ISLR2: variants seen among roughly 807,000 people sequenced by gnomAD.
The protein encoded by ISLR2 is immunoglobulin superfamily containing leucine-rich repeat protein 2.
Under a neutral mutation model 25.5 loss-of-function variants are expected in ISLR2, and 16 were observed. The observed-to-expected ratio is 0.63, with a 90% CI of 0.43 to 0.95. ISLR2 has a LOEUF of 0.95. ISLR2 is among the 40% of genes least tolerant of loss of function. The pLI is 0.00. For missense variants in ISLR2, 883 were observed against 1,030.7 expected (o/e 0.86, Z 1.96); for synonymous variants, 508 against 486.6 (o/e 1.04, Z -0.58).
intron 2 of ISLR2, among the ~76,000 whole-genome samples, chr15:74,112,653 G>T (rs968533739): frequency 6.7e-6 from 1 of 150,106 alleles, no homozygotes; most frequent in South Asian, 2.1e-4. Flanking sequence ...TCAGCCTCCC[G>T]AGCAGATGGA....
Position 74,134,368 on chromosome 15 carries a change from C to A in ISLR2, c.1614C>A (p.Gly538=). ...TCTATCTGTGTCCAGCGGGGGGCGG[C>A]GCGGCAGTGCAGTGGTCCCGCGTAG... ...RLLYLCPAGG[G]AAVQWSRVEE... The change falls in exon 3 of 3, where the codon GGC becomes GGA. Residue 538 remains glycine (G), a synonymous_variant. Coordinates refer to ENST00000453268, the MANE Select transcript of ISLR2 (RefSeq NM_020851.3). 1 of 1,602,260 alleles carries A rather than the reference C, an allele frequency of 6.2e-7. No homozygotes were observed. The highest frequency in any genetic ancestry group is 2.2e-5 in the East Asian group (1 of 44,494).
At chr15:74,120,759 A>G (rs1192964931) in intron 2 of ISLR2, among the ~76,000 whole-genome samples, 1 of 152,106 alleles carries the variant, frequency 6.6e-6, no homozygotes, top group Non-Finnish European at 1.5e-5. Flanking sequence ...GGGGGTGATA[A>G]TGCATACTTC....
chr15:74,112,829 T>C (rs1595937599), intron 2 of ISLR2, among the ~76,000 whole-genome samples: 2 of 28,792 alleles, frequency 6.9e-5, no homozygotes, highest in South Asian at 1.4e-3. Flanking sequence ...TGCCCGGCCC[T>C]TTTTTTTTTT....
chr15:74,134,606 G>C lies in ISLR2; in HGVS notation c.1852G>C (p.Ala618Pro). 1 of 1,614,112 alleles carries C rather than the reference G, an allele frequency of 6.2e-7. No individual in the cohort carries two copies. The highest frequency in any genetic ancestry group is 8.5e-7 in the Non-Finnish European group (1 of 1,180,026). ...GGGCGCCGCCTGCTGCCATCTGCTG[G>C]CTAAACACCCGGGCAAGCCCTACCG... Reference protein sequence around the residue: ...LLGAACCHLLAKHPGKPYRLI... With the variant: ...LLGAACCHLLPKHPGKPYRLI... Residue 618 changes from alanine to proline, a missense_variant, in exon 3 of 3, where the codon GCT becomes CCT. Ala to Pro is a conservative substitution (Grantham distance 27). This residue lies in a region of ISLR2 where 612 missense variants were observed against 642.8 expected (regional missense o/e 0.95). Transcript: ENST00000453268.
upstream of ISLR2, chr15:74,130,186 T>C (rs1320461130): frequency 1.3e-5 from 1 of 79,170 alleles, no homozygotes; most frequent in Non-Finnish European, 2.3e-5. Context: ...CGTTCTGGTG[T>C]CGGGTTAGAC....
chr15:74,105,423 G>A (rs1302001361), intron 2 of ISLR2, among the ~76,000 whole-genome samples: 2 of 34,058 alleles, frequency 5.9e-5, no homozygotes, highest in Admixed American at 3.3e-4. Context: ...GGGAGGTGAG[G>A]GGCATCTCTC....
At chr15:74,111,201 C>T (rs1260701836) in intron 2 of ISLR2, among the ~76,000 whole-genome samples, 1 of 149,696 alleles carries the variant, frequency 6.7e-6, no homozygotes, top group Non-Finnish European at 1.5e-5. Context: ...TTGGATGTAT[C>T]TCAAAGGGCA....
At chr15:74,116,623 G>T (rs1277596876) in intron 2 of ISLR2, among the ~76,000 whole-genome samples, 4 of 152,094 alleles carry the variant, frequency 2.6e-5, no homozygotes, top group Non-Finnish European at 4.4e-5. Flanking sequence ...AAATAGAAAA[G>T]ATCCTATTTT....
intron 2 of ISLR2, among the ~76,000 whole-genome samples, chr15:74,106,887 G>A (rs1376263649): frequency 1.3e-5 from 2 of 152,136 alleles, no homozygotes; most frequent in South Asian, 4.1e-4. Context: ...GCAGAGAGCC[G>A]AGAATTCTTA....
intron 2 of ISLR2, among the ~76,000 whole-genome samples, chr15:74,115,714 CAG>C (rs1171147441): frequency 6.6e-6 from 1 of 151,434 alleles, no homozygotes; most frequent in Non-Finnish European, 1.5e-5. Context: ...AATAAAATAA[CAG>C]GCAAAATAGG....
rs1463858251 is a variant in ISLR2 at position 74,135,012 on chromosome 15, G to T, written c.*20G>T. 6.2e-7 allele frequency: 1 copy of T among 1,602,768 alleles called. No homozygotes were observed. ...GGCTGAACCTCCGCCCGTCCGGCCC[G>T]CCCATTCCCGACCTCCACCTAGGGT... On this transcript the variant is annotated 3_prime_UTR_variant, in exon 3 of 3. Transcript: ENST00000453268.
upstream of ISLR2, chr15:74,128,933 C>A (rs779923178): frequency 1.8e-5 from 8 of 439,230 alleles, no homozygotes; most frequent in South Asian, 1.3e-4. Flanking sequence ...CTTCTCCCGA[C>A]CCCACAAGGC....
intron 2 of ISLR2, among the ~76,000 whole-genome samples, chr15:74,117,430 C>T (rs1430715038): frequency 6.6e-6 from 1 of 152,032 alleles, no homozygotes; most frequent in Non-Finnish European, 1.5e-5. Flanking sequence ...CCTGTAATCC[C>T]TACAATTTGG....
chr15:74,133,244 C>A lies in ISLR2; in HGVS notation c.490C>A (p.Pro164Thr), dbSNP rs1595948455. 6.2e-7 allele frequency: 1 copy of A among 1,612,428 alleles called. No individual in the cohort carries two copies. Among genetic ancestry groups the A allele is most frequent in the East Asian group, 2.2e-5 (1 of 44,880 alleles). ...CAACAACCGGCTGCGTACGCTGGCG[C>A]CTGGCACCTTCGACGCGCTTAGCGC... ...INNNRLRTLA[P>T]GTFDALSALS... Residue 164 changes from proline to threonine, a missense_variant, in exon 3 of 3, where the codon CCT becomes ACT. By Grantham distance (38) the Pro-to-Thr change is conservative (BLOSUM62 -1). Around this residue, in one of 2 missense-constraint regions of ISLR2, gnomAD observed 271 missense variants for 387.9 expected, o/e 0.70. Coordinates refer to ENST00000453268, the MANE Select transcript of ISLR2 (RefSeq NM_020851.3).
intron 2 of ISLR2, among the ~76,000 whole-genome samples, chr15:74,107,344 A>C (rs2072129106): frequency 6.6e-6 from 1 of 152,206 alleles, no homozygotes; most frequent in Admixed American, 6.5e-5. Flanking sequence ...GAGTCCCCTC[A>C]GTCATGGGCT....
chr15:74,138,288 C>CTTTTTTTTTTTTTTTTTTTT, downstream of ISLR2: 1 of 91,676 alleles, frequency 1.1e-5, no homozygotes, highest in Non-Finnish European at 2.1e-5. Flanking sequence ...TTTCTTTTCT[C>CTTTTTTTTTTTTTTTTTTTT]TTTTTTTTTT....
intron 2 of ISLR2, among the ~76,000 whole-genome samples, chr15:74,122,399 C>T (rs1055253974): frequency 6.6e-6 from 1 of 152,236 alleles, no homozygotes; most frequent in Non-Finnish European, 1.5e-5. Flanking sequence ...GAGTCCCATC[C>T]CCCAGGGGCA....
chr15:74,123,125 C>G (rs1595940988), intron 2 of ISLR2, among the ~76,000 whole-genome samples: 1 of 152,032 alleles, frequency 6.6e-6, no homozygotes, highest in Admixed American at 6.5e-5. Context: ...ATGGAAAGAG[C>G]CTTTGGTAAG....
rs953789364 is a variant in ISLR2 at position 74,132,268 on chromosome 15, G to A, written c.-8-479G>A. On this transcript the variant is annotated intron_variant, in intron 2 of 2. Coordinates refer to ENST00000453268, the MANE Select transcript of ISLR2 (RefSeq NM_020851.3). The surrounding 1 kb of genome is among the most constrained non-coding windows in gnomAD (Gnocchi z 4.3). The stretch of plus-strand genomic sequence containing the variant: ...TGGCGGTTTGATTATGAAGCCCCGC[G>A]TCTGTTTGTATTGTTGTGTGCCTGC... Among the ~76,000 whole-genome samples the A allele has an allele frequency of 5.9e-5, 9 of 152,190 alleles. No individual in the cohort carries two copies. Among genetic ancestry groups the A allele is most frequent in the African/African-American group, 2.2e-4 (9 of 41,442 alleles).
Sources: allele counts gnomAD v4.1 joint callset (sites outside exome capture counted in the v4.1 genomes callset), GRCh38; gene constraint gnomAD v4.1.1; regional missense constraint gnomAD v4.1.1; non-coding constraint Gnocchi (gnomAD v3.1); transcripts MANE v1.5; gene names NCBI Gene and HGNC (gene_info 2026-07-23, HGNC 2026-07-21).